Variants in ZNF804B observed in about 807,000 individuals in gnomAD.
ZNF804B encodes zinc finger 804B.
Under a neutral mutation model 101.4 loss-of-function variants are expected in ZNF804B, and 80 were observed. The observed-to-expected ratio is 0.79, with a 90% CI of 0.66 to 0.95. ZNF804B has a LOEUF of 0.95. ZNF804B is among the 40% of genes least tolerant of loss of function. The pLI is 0.00. For missense variants in ZNF804B, 1,673 were observed against 1,561.9 expected, an observed-to-expected ratio of 1.07 and a Z score of -1.20; for synonymous variants, 622 against 558.8, an observed-to-expected ratio of 1.11 and a Z score of -1.59.
intron 2 of ZNF804B, among the ~76,000 whole-genome samples, chr7:89,315,232 C>T (rs1336564630): frequency 3.9e-5 from 6 of 152,068 alleles, no homozygotes; most frequent in Admixed American, 2.6e-4. Flanking sequence ...GAGGACAGCA[C>T]CAAGTTGATG....
At chr7:88,821,634 G>A (rs927933267) in intron 1 of ZNF804B, among the ~76,000 whole-genome samples, 1 of 152,078 alleles carries the variant, frequency 6.6e-6, no homozygotes, top group African/African-American at 2.4e-5. Flanking sequence ...ACTTCTGAAG[G>A]AGAAATACCA....
chr7:89,064,578 G>C lies in ZNF804B; in HGVS notation c.109-153577G>C, dbSNP rs926216010. Reference sequence around the variant, plus strand: ...ATTGATTGTTCCTTTATGAAAGTCTGGTCATACAACCATGGAACAAAAATC... The same window carrying C: ...ATTGATTGTTCCTTTATGAAAGTCTCGTCATACAACCATGGAACAAAAATC... On this transcript the variant is annotated intron_variant, in intron 1 of 3. Transcript: ENST00000333190. 4.9e-4 allele frequency among the ~76,000 whole-genome samples: 75 copies of C among 152,066 alleles called. 1 individual carries two copies. Among genetic ancestry groups the C allele is most frequent in the Non-Finnish European group, 1.2e-4 (8 of 68,006 alleles).
At chr7:89,124,350 T>C (rs1790448241) in intron 1 of ZNF804B, among the ~76,000 whole-genome samples, 1 of 152,140 alleles carries the variant, frequency 6.6e-6, no homozygotes, top group Non-Finnish European at 1.5e-5. Flanking sequence ...ATCATGGTGA[T>C]GGGGATACAA....
intron 1 of ZNF804B, among the ~76,000 whole-genome samples, chr7:89,034,907 C>T (rs1054614911): frequency 1.3e-5 from 2 of 152,152 alleles, no homozygotes; most frequent in Non-Finnish European, 2.9e-5. Flanking sequence ...TCCTCTCCAA[C>T]ATCTGTTGTT....
intron 1 of ZNF804B, among the ~76,000 whole-genome samples, chr7:89,216,391 G>A (rs35966114): frequency 0.12 from 18,552 of 152,176 alleles, 1,202 homozygotes; most frequent in Middle Eastern, 0.25. Flanking sequence ...AAGGGATTTA[G>A]CACCATCTCA....
intron 1 of ZNF804B, among the ~76,000 whole-genome samples, chr7:88,766,994 T>A (rs1405062536): frequency 6.6e-6 from 1 of 152,214 alleles, no homozygotes; most frequent in Non-Finnish European, 1.5e-5. Context: ...TATTTTGAAA[T>A]GGATATTGCC....
intron 1 of ZNF804B, among the ~76,000 whole-genome samples, chr7:88,872,739 G>A (rs1488267274): frequency 7.3e-5 from 11 of 150,434 alleles, no homozygotes; most frequent in Admixed American, 1.3e-4. Flanking sequence ...TTGTTCTTGC[G>A]ATAGTTTACT....
chr7:88,922,303 A>G (rs937418648), intron 1 of ZNF804B, among the ~76,000 whole-genome samples: 6 of 152,212 alleles, frequency 3.9e-5, no homozygotes, highest in East Asian at 1.9e-4. Context: ...ATTTGATGTA[A>G]TAATTTAAAA....
At chr7:88,931,777 T>C (rs1448082584) in intron 1 of ZNF804B, among the ~76,000 whole-genome samples, 3 of 151,886 alleles carry the variant, frequency 2.0e-5, no homozygotes, top group Non-Finnish European at 4.4e-5. Context: ...TAAATGTCTG[T>C]TGAATTAACG....
intron 1 of ZNF804B, among the ~76,000 whole-genome samples, chr7:88,854,610 C>CT (rs1182088078): frequency 3.5e-4 from 43 of 122,318 alleles, no homozygotes; most frequent in East Asian, 4.9e-4. Flanking sequence ...CCTTTCTTCG[C>CT]TTTTTTTTTA....
At chr7:89,280,591 G>C (rs1232418319) in intron 2 of ZNF804B, among the ~76,000 whole-genome samples, 2 of 152,208 alleles carry the variant, frequency 1.3e-5, no homozygotes, top group African/African-American at 2.4e-5. Flanking sequence ...CGATCCCACA[G>C]AAATACAAAC....
intron 1 of ZNF804B, among the ~76,000 whole-genome samples, chr7:88,911,941 A>G (rs1236940992): frequency 2.0e-5 from 3 of 151,806 alleles, no homozygotes; most frequent in African/African-American, 7.2e-5. Flanking sequence ...TCATGCTTAT[A>G]TTTTTAACTT....
At chr7:88,981,011 G>A (rs921647238) in intron 1 of ZNF804B, among the ~76,000 whole-genome samples, 2 of 152,040 alleles carry the variant, frequency 1.3e-5, no homozygotes, top group Non-Finnish European at 2.9e-5. Flanking sequence ...CAACTGAGCT[G>A]ACACCCAAAC....
At chr7:89,274,092 C>A (rs764092476) in intron 2 of ZNF804B, among the ~76,000 whole-genome samples, 1 of 151,806 alleles carries the variant, frequency 6.6e-6, no homozygotes, top group Non-Finnish European at 1.5e-5. Context: ...CTCATCTCTA[C>A]CAAAATCGGC....
At chr7:89,029,683 C>T (rs1489749296) in intron 1 of ZNF804B, among the ~76,000 whole-genome samples, 1 of 152,094 alleles carries the variant, frequency 6.6e-6, no homozygotes, top group Admixed American at 6.6e-5. Flanking sequence ...TATTGTCATT[C>T]TTATGGTCAT....
chr7:88,884,932 A>G (rs114553973), intron 1 of ZNF804B, among the ~76,000 whole-genome samples: 1,710 of 151,972 alleles, frequency 0.011, 23 homozygotes, highest in Middle Eastern at 0.024. Flanking sequence ...AGGTGCACAT[A>G]TTTCCCTTCT....
intron 1 of ZNF804B, among the ~76,000 whole-genome samples, chr7:88,806,678 A>G (rs1408144489): frequency 6.6e-6 from 1 of 151,834 alleles, no homozygotes; most frequent in Admixed American, 6.6e-5. Context: ...AGTTCTTAAA[A>G]CTTTTCAGTA....
chr7:89,070,827 C>T (rs1474859099), intron 1 of ZNF804B, among the ~76,000 whole-genome samples: 1 of 151,750 alleles, frequency 6.6e-6, no homozygotes, highest in Non-Finnish European at 1.5e-5. Context: ...AATGGGCATT[C>T]AAGTCTTCAT....
rs149932651 is a variant in ZNF804B, at chr7:89,176,945, T to C, written c.109-41210T>C. On this transcript the variant is annotated intron_variant, in intron 1 of 3. Transcript: ENST00000333190. ...GCATATAGTTGCTCATAGTAGTCTGTAATGATTATTTGAATTTCTGTGGCA... is the reference window on the plus strand; with the variant it reads ...GCATATAGTTGCTCATAGTAGTCTGCAATGATTATTTGAATTTCTGTGGCA... 2.1e-3 allele frequency among the ~76,000 whole-genome samples: 326 copies of C among 152,252 alleles called. 2 individuals are homozygous for C. Among genetic ancestry groups the C allele is most frequent in the African/African-American group, 7.6e-3 (314 of 41,582 alleles).
Sources: allele counts gnomAD v4.1 joint callset (sites outside exome capture counted in the v4.1 genomes callset), GRCh38; gene constraint gnomAD v4.1.1; transcripts MANE v1.5; gene names NCBI Gene and HGNC (gene_info 2026-07-23, HGNC 2026-07-21).